GTF2I: variants seen among roughly 807,000 people sequenced by gnomAD.
GTF2I encodes general transcription factor IIi.
In GTF2I, 12 loss-of-function variants were observed where a neutral mutation model predicts 67.6. That is an observed-to-expected ratio of 0.18 (90% CI 0.11 to 0.29). The LOEUF is 0.29. Ranked by LOEUF, GTF2I falls within the 10% of genes least tolerant of loss-of-function variation. The pLI, the probability that GTF2I is intolerant of heterozygous loss-of-function variation, is 1.00. For missense variants in GTF2I, 271 were observed against 580.1 expected (o/e 0.47, Z 5.47); for synonymous variants, 149 against 197.0 (o/e 0.76, Z 2.04).
At chr7:74,680,586 C>G (rs1282137020) in intron 1 of GTF2I, among the ~76,000 whole-genome samples, 1 of 151,844 alleles carries the variant, frequency 6.6e-6, no homozygotes, top group African/African-American at 2.4e-5. Context: ...ACTAAAAATA[C>G]AAAAAATTAG....
At chr7:74,694,297 A>G (rs782096917) in intron 3 of GTF2I, among the ~76,000 whole-genome samples, 2 of 152,178 alleles carry the variant, frequency 1.3e-5, no homozygotes, top group Non-Finnish European at 2.9e-5. Context: ...TTAAGGAAAG[A>G]CACAGTCAGC....
intron 1 of GTF2I, among the ~76,000 whole-genome samples, chr7:74,674,449 C>T (rs1410538569): frequency 6.6e-6 from 1 of 152,154 alleles, no homozygotes; most frequent in Non-Finnish European, 1.5e-5. Flanking sequence ...TAGAGACTTG[C>T]ATTCAAGTTC....
chr7:74,659,769 C>T (rs1804303771), intron 1 of GTF2I, among the ~76,000 whole-genome samples: 1 of 152,086 alleles, frequency 6.6e-6, no homozygotes, highest in South Asian at 2.1e-4. Context: ...TCGGGAACTC[C>T]TGGACTCTGG....
At chr7:74,702,852 G>C (rs1790007308) in intron 6 of GTF2I, among the ~76,000 whole-genome samples, 1 of 151,334 alleles carries the variant, frequency 6.6e-6, no homozygotes, top group East Asian at 1.9e-4. Flanking sequence ...TGCTGCCTCA[G>C]CTTCTCAGTA....
chr7:74,700,210 C>T, intron 4 of GTF2I, 37 bp from the exon 5 acceptor site: 8 of 1,594,256 alleles, frequency 5.0e-6, no homozygotes, highest in Non-Finnish European at 6.9e-6. Flanking sequence ...GTAATCTTAC[C>T]ATTGAATGAT....
intron 1 of GTF2I, among the ~76,000 whole-genome samples, chr7:74,668,347 G>A (rs1805171388): frequency 6.6e-6 from 1 of 151,176 alleles, no homozygotes; most frequent in East Asian, 1.9e-4. Flanking sequence ...GTGTGTGTGT[G>A]TGTGTGTGTA....
intron 1 of GTF2I, among the ~76,000 whole-genome samples, chr7:74,685,150 C>T (rs1355347283): frequency 2.0e-5 from 3 of 152,214 alleles, no homozygotes; most frequent in African/African-American, 7.2e-5. Flanking sequence ...CCTATGCAAG[C>T]ATCTGTGGAA....
intron 1 of GTF2I, among the ~76,000 whole-genome samples, chr7:74,662,291 C>T (rs1804575583): frequency 7.1e-6 from 1 of 140,860 alleles, no homozygotes. Context: ...CTCACTGCAA[C>T]TTACGCCCCC....
At chr7:74,712,339 A>G (rs1389003141) in intron 9 of GTF2I, among the ~76,000 whole-genome samples, 3 of 152,152 alleles carry the variant, frequency 2.0e-5, no homozygotes, top group Non-Finnish European at 2.9e-5. Flanking sequence ...CCTCCAAGAA[A>G]CAACGTGTAA....
At chr7:74,716,165 G>A (rs113841369) in intron 10 of GTF2I, among the ~76,000 whole-genome samples, 15 of 152,090 alleles carry the variant, frequency 9.9e-5, no homozygotes, top group African/African-American at 2.9e-4. Context: ...GGCAGCTTGC[G>A]TTCTTAATCC....
chr7:74,674,069 CTTTTTTTT>C (rs35948360), intron 1 of GTF2I, among the ~76,000 whole-genome samples: 2 of 132,508 alleles, frequency 1.5e-5, no homozygotes, highest in African/African-American at 2.8e-5. Flanking sequence ...TGATCTATGA[CTTTTTTTT>C]TTTTTTTTTT....
chr7:74,716,955 G>A lies in GTF2I; in HGVS notation c.880+5G>A, dbSNP rs1554403755. The A allele has an allele frequency of 6.3e-7, 1 of 1,599,762 alleles. No homozygotes were observed. The highest frequency in any genetic ancestry group is 8.6e-7 in the Non-Finnish European group (1 of 1,169,516). On this transcript the variant is annotated splice_donor_5th_base_variant and intron_variant, in intron 11 of 34. Transcript: ENST00000573035. ...AAATGGAAGTACCAGCAGAAGGTTA[G>A]GAGAAAAAGAGATTGCATATTTTCC...
chr7:74,688,945 T>C, intron 1 of GTF2I, 179 bp from the exon 2 acceptor site: 3 of 517,058 alleles, frequency 5.8e-6, no homozygotes, highest in Non-Finnish European at 6.9e-6. Flanking sequence ...AATTAGGGGA[T>C]AGATTCTTTA....
chr7:74,682,547 C>T (rs1787360056), intron 1 of GTF2I, among the ~76,000 whole-genome samples: 1 of 152,138 alleles, frequency 6.6e-6, no homozygotes, highest in African/African-American at 2.4e-5. Flanking sequence ...AACCAAGTCT[C>T]GAACTTGGAT....
intron 2 of GTF2I, among the ~76,000 whole-genome samples, chr7:74,690,524 A>G (rs1373084786): frequency 6.6e-6 from 1 of 152,154 alleles, no homozygotes; most frequent in Non-Finnish European, 1.5e-5. Context: ...TGTGGGTTTC[A>G]GACCCCCACC....
At chr7:74,676,239 A>G (rs1416932087) in intron 1 of GTF2I, among the ~76,000 whole-genome samples, 8 of 152,154 alleles carry the variant, frequency 5.3e-5, no homozygotes, top group African/African-American at 1.9e-4. Flanking sequence ...ATATGAAGTT[A>G]ATTTCTTTGC....
At chr7:74,717,100 A>G (rs2131430375) in intron 11 of GTF2I, 150 bp downstream of exon 11, 2 of 1,121,044 alleles carry the variant, frequency 1.8e-6, no homozygotes, top group East Asian at 5.3e-5. Flanking sequence ...TATTTTTTTA[A>G]AAATTCTAAG....
chr7:74,669,050 T>C (rs992116757), intron 1 of GTF2I, among the ~76,000 whole-genome samples: 1 of 151,940 alleles, frequency 6.6e-6, no homozygotes, highest in Non-Finnish European at 1.5e-5. Context: ...GAAGGGATCT[T>C]TTATCATGTC....
At chr7:74,697,585 T>C (rs1416882316) in intron 3 of GTF2I, among the ~76,000 whole-genome samples, 3 of 152,174 alleles carry the variant, frequency 2.0e-5, no homozygotes, top group African/African-American at 4.8e-5. Context: ...AATCTTCTCA[T>C]ATTTAAATTT....
Sources: gnomAD v4.1 joint callset for allele counts (sites outside exome capture counted in the v4.1 genomes callset) on GRCh38, gnomAD v4.1.1 for gene constraint, MANE v1.5 for transcripts, NCBI Gene and HGNC (gene_info 2026-07-23, HGNC 2026-07-21) for gene names.